MAML1: variants seen among roughly 807,000 people sequenced by gnomAD.
The protein encoded by MAML1 is mastermind-like protein 1.
A neutral mutation model predicts 77.1 loss-of-function variants in MAML1; 14 were observed. That is an observed-to-expected ratio of 0.18 (90% CI 0.12 to 0.28). The LOEUF (loss-of-function observed/expected upper bound fraction) is 0.28, where lower values mean the gene tolerates loss of function less well. MAML1 is among the 10% of genes least tolerant of loss of function. MAML1 has a pLI of 1.00. For synonymous variants in MAML1, 516 were observed against 551.9 expected (o/e 0.93, Z 0.91); for missense variants, 1,217 against 1,327.8 (o/e 0.92, Z 1.30).
chr5:179,749,951 A>C (rs1263300783), intron 1 of MAML1, among the ~76,000 whole-genome samples: 1 of 152,016 alleles, frequency 6.6e-6, no homozygotes, highest in East Asian at 1.9e-4. Context: ...GTTTCCCAAA[A>C]CTCCAAGATC....
intron 1 of MAML1, among the ~76,000 whole-genome samples, chr5:179,740,705 G>A (rs1210461685): frequency 1.3e-5 from 2 of 152,122 alleles, no homozygotes; most frequent in Non-Finnish European, 2.9e-5. Flanking sequence ...TGGTAGCAGT[G>A]GAGATGGAGA....
Position 179,767,389 on chromosome 5 carries a change from A to G in MAML1, c.1731+648A>G, listed in dbSNP as rs527528886. On this transcript the variant is annotated intron_variant, in intron 2 of 4. Coordinates refer to ENST00000292599, the MANE Select transcript of MAML1 (RefSeq NM_014757.5). ...CCGGTAATATCATGAGGAAATAGAC[A>G]CACTCCTGTATTGATGAGAGTGTGT... Among the ~76,000 whole-genome samples, 3 of 152,262 alleles carry G rather than the reference A, an allele frequency of 2.0e-5. No homozygotes were observed. In the East Asian group the frequency reaches 5.8e-4, roughly 29 times the overall value.
chr5:179,757,702 C>G (rs1342329442), intron 1 of MAML1, among the ~76,000 whole-genome samples: 2 of 152,184 alleles, frequency 1.3e-5, no homozygotes, highest in Non-Finnish European at 2.9e-5. Flanking sequence ...CTGCATTGTT[C>G]TCATGTCTAC....
At chr5:179,749,668 C>G (rs763039862) in intron 1 of MAML1, among the ~76,000 whole-genome samples, 34 of 152,210 alleles carry the variant, frequency 2.2e-4, no homozygotes, top group Admixed American at 1.6e-3. Context: ...GACACAGATA[C>G]AGCAAACAGG....
At chr5:179,743,036 C>T (rs572308767) in intron 1 of MAML1, among the ~76,000 whole-genome samples, 1 of 143,790 alleles carries the variant, frequency 7.0e-6, no homozygotes, top group Admixed American at 7.7e-5. Context: ...ATACTGTGAA[C>T]CCCTTCACAC....
At chr5:179,745,094 A>G (rs1779353709) in intron 1 of MAML1, among the ~76,000 whole-genome samples, 1 of 151,736 alleles carries the variant, frequency 6.6e-6, no homozygotes, top group South Asian at 2.1e-4. Flanking sequence ...TTTAGTAGAG[A>G]TGGGGTTTCA....
chr5:179,777,071 T>C lies in MAML1; in HGVS notation c.*2194T>C, dbSNP rs1034274092. On this transcript the variant is annotated 3_prime_UTR_variant, in exon 5 of 5. Transcript: ENST00000292599. ...TTTTTACTTTTATAGATTTTAAAAC[T>C]ATGATCCTTTATATGTGTGTTTTGG... is the stretch of plus-strand genomic sequence containing the variant. 6 of 984,086 alleles carry C rather than the reference T, an allele frequency of 6.1e-6. No individual in the cohort carries two copies. The highest frequency in any genetic ancestry group is 5.2e-5 in the African/African-American group (3 of 57,224). The allele number at this position is 984,086 out of a possible 1,614,324, so 61.0% of individuals were successfully genotyped here.
chr5:179,737,439 A>G (rs1224961404), intron 1 of MAML1, among the ~76,000 whole-genome samples: 2 of 152,202 alleles, frequency 1.3e-5, no homozygotes, highest in Non-Finnish European at 2.9e-5. Flanking sequence ...TGGAGAAAAC[A>G]GCTTTGCAGA....
intron 1 of MAML1, among the ~76,000 whole-genome samples, chr5:179,752,346 A>ATATATTT (rs1472280681): frequency 1.1e-5 from 1 of 90,738 alleles, no homozygotes; most frequent in Non-Finnish European, 2.0e-5. Flanking sequence ...AAAAAAAAAA[A>ATATATTT]AAAAATATAT....
Position 179,769,023 on chromosome 5 carries a change from G to A in MAML1, c.1905G>A (p.Glu635=), listed in dbSNP as rs746928504. 1.9e-6 allele frequency: 3 copies of A among 1,614,098 alleles called. No homozygotes were observed. The highest frequency in any genetic ancestry group is 1.3e-5 in the African/African-American group (1 of 74,924). Residue 635 remains glutamate (E), a synonymous_variant, in exon 3 of 5, where the codon GAG becomes GAA. Transcript: ENST00000292599. The surrounding 1 kb of genome is among the most constrained non-coding windows in gnomAD (Gnocchi z 4.2). ...QLLLDQQKQR[E]QQQKHLQQQQ... Reference sequence around the variant, plus strand: ...TTTTGGACCAACAGAAACAAAGGGAGCAGCAGCAAAAGCATTTACAGCAAC... The same window carrying A: ...TTTTGGACCAACAGAAACAAAGGGAACAGCAGCAAAAGCATTTACAGCAAC...
intron 1 of MAML1, among the ~76,000 whole-genome samples, chr5:179,742,140 C>G (rs918600873): frequency 1.3e-5 from 2 of 151,076 alleles, no homozygotes; most frequent in Non-Finnish European, 3.0e-5. Flanking sequence ...CCCAAAGTGC[C>G]GGGATTACAG....
chr5:179,752,006 A>T (rs1238789475), intron 1 of MAML1, among the ~76,000 whole-genome samples: 1 of 151,758 alleles, frequency 6.6e-6, no homozygotes, highest in Admixed American at 6.6e-5. Context: ...CTTGTCTCAA[A>T]GAAAAAAAAA....
rs1353428889 is a variant in MAML1 at position 179,774,979 on chromosome 5, G to C, written c.*102G>C. The C allele has an allele frequency of 6.7e-7, 1 of 1,497,406 alleles. No homozygotes were observed. Among genetic ancestry groups the C allele is most frequent in the African/African-American group, 1.4e-5 (1 of 71,550 alleles). The allele number at this position is 1,497,406 out of a possible 1,614,324, so 92.8% of individuals were successfully genotyped here. ...TTGGACCAAAAGCCCATGGCCTGGG[G>C]AGCTGGGCAGGTAGAGCCCAAGCTC... On this transcript the variant is annotated 3_prime_UTR_variant, in exon 5 of 5. Transcript: ENST00000292599.
At chr5:179,767,773 G>T (rs1333391023) in intron 2 of MAML1, among the ~76,000 whole-genome samples, 2 of 152,224 alleles carry the variant, frequency 1.3e-5, no homozygotes, top group African/African-American at 4.8e-5. Flanking sequence ...AGCTTCTGGT[G>T]ATTAGAGTGA....
intron 1 of MAML1, among the ~76,000 whole-genome samples, chr5:179,744,181 A>G (rs1279980301): frequency 6.6e-6 from 1 of 152,108 alleles, no homozygotes; most frequent in African/African-American, 2.4e-5. Flanking sequence ...AGGTATAAAA[A>G]ATTAAATTTT....
intron 1 of MAML1, among the ~76,000 whole-genome samples, chr5:179,736,723 AG>A (rs1176186958): frequency 1.3e-5 from 2 of 151,948 alleles, no homozygotes; most frequent in African/African-American, 2.4e-5. Context: ...GCACTTTGGG[AG>A]GCAGAGGTGG....
rs1222166038 is a variant in MAML1 at position 179,732,999 on chromosome 5, G to C, written c.-114G>C. The C allele has an allele frequency of 3.5e-5, 21 of 594,478 alleles. No individual in the cohort carries two copies. The highest frequency in any genetic ancestry group is 4.7e-5 in the Non-Finnish European group (20 of 423,024). 36.8% of individuals were successfully genotyped at this position (594,478 alleles called of 1,614,324 possible). A position where few individuals can be genotyped will look rare whatever the true frequency, so the allele number is the denominator to read the frequency against. On this transcript the variant is annotated 5_prime_UTR_variant, in exon 1 of 5. Transcript: ENST00000292599. ...CGCGCGAGCCCGCTCCGCTGCCCTC[G>C]GGGGCATGGCGCGGCCGTGAGGCGG... is the stretch of plus-strand genomic sequence containing the variant.
chr5:179,741,352 A>T (rs993723575), intron 1 of MAML1, among the ~76,000 whole-genome samples: 1 of 152,134 alleles, frequency 6.6e-6, no homozygotes, highest in Non-Finnish European at 1.5e-5. Flanking sequence ...ATATTGAGGA[A>T]GGGGGATGCC....
intron 1 of MAML1, among the ~76,000 whole-genome samples, chr5:179,758,279 T>G (rs993366042): frequency 2.0e-5 from 3 of 152,238 alleles, no homozygotes; most frequent in Admixed American, 2.0e-4. Context: ...TGGTTTGTAT[T>G]CTAAATCAGT....
Sources: gnomAD v4.1 joint callset for allele counts (sites outside exome capture counted in the v4.1 genomes callset) on GRCh38, gnomAD v4.1.1 for gene constraint, Gnocchi (gnomAD v3.1) non-coding constraint, MANE v1.5 for transcripts, NCBI Gene and HGNC (gene_info 2026-07-23, HGNC 2026-07-21) for gene names.